Variants in GIMAP8 observed in about 807,000 individuals in gnomAD.
The protein encoded by GIMAP8 is GTPase IMAP family member 8.
GIMAP8 carries 29 observed loss-of-function variants against 35.6 expected under a neutral mutation model. That is an observed-to-expected ratio of 0.81 (90% CI 0.61 to 1.11). The LOEUF (loss-of-function observed/expected upper bound fraction) is 1.11, where lower values mean the gene tolerates loss of function less well. GIMAP8 is among the 50% of genes most tolerant of loss of function. GIMAP8 has a pLI of 0.00. For synonymous variants in GIMAP8, 335 were observed against 308.7 expected, an observed-to-expected ratio of 1.09 and a Z score of -0.89; for missense variants, 811 against 805.0, an observed-to-expected ratio of 1.01 and a Z score of -0.09.
intron 1 of GIMAP8, among the ~76,000 whole-genome samples, chr7:150,458,405 T>C (rs546126293): frequency 2.9e-4 from 44 of 152,318 alleles, no homozygotes; most frequent in African/African-American, 8.9e-4. Context: ...TTCAACTGAT[T>C]GGATGAGGCC....
chr7:150,470,884 T>A lies in GIMAP8; in HGVS notation c.682+10T>A, dbSNP rs1802075881. 4 of 1,578,138 alleles carry A rather than the reference T, an allele frequency of 2.5e-6. No homozygotes were observed. In the East Asian group the frequency reaches 9.0e-5, roughly 35 times the overall value. On this transcript the variant is annotated intron_variant, in intron 3 of 4. Transcript: ENST00000307271. ...GGAGACAAGCCACAGGGTAAGTTGA[T>A]CTTTAAGAAACATTAAGCTCACACT...
In GIMAP8 at chr7:150,477,855, C is replaced by A; in HGVS notation, c.*75C>A. On this transcript the variant is annotated 3_prime_UTR_variant, in exon 5 of 5. Transcript: ENST00000307271. ...GGGGAGGGGCGGGGCATGGTACAACCTGTGGGAAGGGAAGCGGGTTCATGG... is the reference window on the plus strand; with the variant it reads ...GGGGAGGGGCGGGGCATGGTACAACATGTGGGAAGGGAAGCGGGTTCATGG... The A allele has an allele frequency of 8.2e-7, 1 of 1,222,966 alleles. No individual in the cohort carries two copies. 75.8% of individuals were successfully genotyped at this position (1,222,966 alleles called of 1,614,324 possible).
intron 2 of GIMAP8, 53 bp from the exon 3 acceptor site, chr7:150,470,776 T>TG: frequency 1.6e-6 from 1 of 622,692 alleles, no homozygotes; most frequent in Non-Finnish European, 2.7e-6. Context: ...TTTCAGTTTG[T>TG]GGAAGATGAG....
chr7:150,477,073 T>C lies in GIMAP8; in HGVS notation c.1310-19T>C. ...AGATCAGCCCATGGTCACGAATCTT[T>C]CCCACTTTCCTTTGACAGAAACCCT... On this transcript the variant is annotated intron_variant, in intron 4 of 4. Transcript: ENST00000307271. 1 of 1,583,298 alleles carries C rather than the reference T, an allele frequency of 6.3e-7. No homozygotes were observed. The highest frequency in any genetic ancestry group is 8.6e-7 in the Non-Finnish European group (1 of 1,156,562).
intron 1 of GIMAP8, among the ~76,000 whole-genome samples, chr7:150,460,552 A>C (rs933500842): frequency 1.3e-5 from 2 of 152,204 alleles, no homozygotes; most frequent in Admixed American, 6.5e-5. Context: ...TTCCTTGACT[A>C]CTGTCCTTCA....
At position 150,479,321 on chromosome 7, in the gene GIMAP8, A is replaced by C. The variant is rs191598011; in HGVS notation, c.*1541A>C. Reference sequence around the variant, plus strand: ...TGTACCCCTTGAACCTGAAATAAAAATTGGAAAGTAAAAAAAAGTGTGTAA... The same window carrying C: ...TGTACCCCTTGAACCTGAAATAAAACTTGGAAAGTAAAAAAAAGTGTGTAA... On this transcript the variant is annotated 3_prime_UTR_variant, in exon 5 of 5. Coordinates refer to ENST00000307271, the MANE Select transcript of GIMAP8 (RefSeq NM_175571.4). 2.0e-5 allele frequency: 3 copies of C among 152,228 alleles called. No homozygotes were observed. The highest frequency in any genetic ancestry group is 2.1e-4 in the South Asian group (1 of 4,830). 9.4% of individuals were successfully genotyped at this position (152,228 alleles called of 1,614,324 possible).
At chr7:150,462,710 G>A (rs912316206) in intron 1 of GIMAP8, among the ~76,000 whole-genome samples, 1 of 152,130 alleles carries the variant, frequency 6.6e-6, no homozygotes, top group Non-Finnish European at 1.5e-5. Context: ...CATGGTGTTA[G>A]TCTGATGGAG....
chr7:150,478,519 A>C lies in GIMAP8; in HGVS notation c.*739A>C, dbSNP rs1486937275. The C allele has an allele frequency of 1.3e-5, 2 of 152,236 alleles. No homozygotes were observed. Among genetic ancestry groups the C allele is most frequent in the African/African-American group, 4.8e-5 (2 of 41,464 alleles). 9.4% of individuals were successfully genotyped at this position (152,236 alleles called of 1,614,324 possible). On this transcript the variant is annotated 3_prime_UTR_variant, in exon 5 of 5. Coordinates refer to ENST00000307271, the MANE Select transcript of GIMAP8 (RefSeq NM_175571.4). The stretch of plus-strand genomic sequence containing the variant: ...GAAGCATAGTAAGATTGCCAAAATC[A>C]GAGAATCTTGCAAAGTTCTGTAATT...
At chr7:150,467,799 C>T (rs1344011187) in intron 2 of GIMAP8, among the ~76,000 whole-genome samples, 1 of 152,176 alleles carries the variant, frequency 6.6e-6, no homozygotes, top group Non-Finnish European at 1.5e-5. Flanking sequence ...GATGATCCCA[C>T]ACTTTTATGG....
Position 150,474,217 on chromosome 7 carries a change from GAA to G in GIMAP8, c.890_891del (p.Lys297SerfsTer5). ...CTGAGAGCAGAAGCTGGAGAAAAAAGAAAGTTTCGATCATTGATGCTCCGGAC... is the reference window on the plus strand; with the variant it reads ...CTGAGAGCAGAAGCTGGAGAAAAAAGAGTTTCGATCATTGATGCTCCGGAC... ...LSESRSWRKK[K>X]VSIIDAPDIS... On this transcript the variant is annotated frameshift_variant, in exon 4 of 5. Transcript: ENST00000307271. LOFTEE classifies it high-confidence loss of function. The G allele has an allele frequency of 1.9e-6, 3 of 1,614,166 alleles. No individual in the cohort carries two copies. Among genetic ancestry groups the G allele is most frequent in the Non-Finnish European group, 2.5e-6 (3 of 1,180,036 alleles).
chr7:150,471,219 C>T (rs1402051143), intron 3 of GIMAP8, among the ~76,000 whole-genome samples: 1 of 152,216 alleles, frequency 6.6e-6, no homozygotes, highest in African/African-American at 2.4e-5. Context: ...GCAGAAATCA[C>T]TCCTTCATGG....
At chr7:150,475,841 A>C (rs1313283862) in intron 4 of GIMAP8, among the ~76,000 whole-genome samples, 1 of 152,242 alleles carries the variant, frequency 6.6e-6, no homozygotes. Flanking sequence ...GATATTCCAG[A>C]GAGTACACCA....
chr7:150,461,830 GT>G (rs998673892), intron 1 of GIMAP8, among the ~76,000 whole-genome samples: 1 of 152,186 alleles, frequency 6.6e-6, no homozygotes, highest in African/African-American at 2.4e-5. Context: ...TCATTGTGTT[GT>G]TTTTGGATTG....
At chr7:150,470,996 G>T (rs1802079161) in intron 3 of GIMAP8, 122 bp downstream of exon 3, 1 of 757,500 alleles carries the variant, frequency 1.3e-6, no homozygotes, top group Non-Finnish European at 2.3e-6. Flanking sequence ...GGACCTAGCT[G>T]AGGTTGGTTC....
chr7:150,466,293 T>C (rs1452118970), intron 1 of GIMAP8, among the ~76,000 whole-genome samples: 1 of 152,222 alleles, frequency 6.6e-6, no homozygotes, highest in Non-Finnish European at 1.5e-5. Context: ...GATTCTGATT[T>C]AATAGGTGTA....
rs1219611156 is a variant in GIMAP8, at chr7:150,472,765, A to T, written c.683-1247A>T. On this transcript the variant is annotated intron_variant, in intron 3 of 4. Transcript: ENST00000307271. The surrounding 1 kb of genome is among the most constrained non-coding windows in gnomAD (Gnocchi z 4.1). ...GAAGTTATATTTGCATAGGAACCTG[A>T]GTAGCCAGCAGGAGATAGGGCAGGA... 6.6e-6 allele frequency among the ~76,000 whole-genome samples: 1 copy of T among 152,212 alleles called. No individual in the cohort carries two copies. The highest frequency in any genetic ancestry group is 1.5e-5 in the Non-Finnish European group (1 of 68,034).
chr7:150,460,436 T>C (rs751687297), intron 1 of GIMAP8, among the ~76,000 whole-genome samples: 1 of 152,224 alleles, frequency 6.6e-6, no homozygotes, highest in Non-Finnish European at 1.5e-5. Context: ...AGCCAAACCA[T>C]TGGCCACAGC....
rs777746350 is a variant in GIMAP8 at position 150,474,571 on chromosome 7, G to A, written c.1242G>A (p.Glu414=). The A allele has an allele frequency of 2.5e-6, 4 of 1,612,508 alleles. No individual in the cohort carries two copies. In the East Asian group the frequency reaches 8.9e-5, roughly 36 times the overall value. The part of the protein sequence containing the change: ...TGEEEQRQAD[E]LLEKIESMVH... ...AAGAAGAGCAAAGGCAGGCGGACGA[G>A]CTCCTGGAAAAAATTGAGAGCATGG... Residue 414 remains glutamate, a synonymous_variant, in exon 4 of 5, where the codon GAG becomes GAA. Coordinates refer to ENST00000307271, the MANE Select transcript of GIMAP8 (RefSeq NM_175571.4).
At chr7:150,477,059 T>G in intron 4 of GIMAP8, 33 bp from the exon 5 acceptor site, 1 of 1,542,218 alleles carries the variant, frequency 6.5e-7, no homozygotes, top group Non-Finnish European at 8.9e-7. Flanking sequence ...GATCAGCCCA[T>G]GGTCACGAAT....
Sources: gnomAD v4.1 joint callset for allele counts (sites outside exome capture counted in the v4.1 genomes callset) on GRCh38, gnomAD v4.1.1 for gene constraint, Gnocchi (gnomAD v3.1) non-coding constraint, MANE v1.5 for transcripts, NCBI Gene and HGNC (gene_info 2026-07-23, HGNC 2026-07-21) for gene names.